Variants in SAMD5 observed in about 807,000 individuals in gnomAD.
SAMD5 encodes the protein sterile alpha motif domain containing 5.
In SAMD5, 13 loss-of-function variants were observed where a neutral mutation model predicts 11.3. The ratio of observed to expected loss-of-function variants is 1.15; its 90% confidence interval spans 0.75 to 1.83. The LOEUF (loss-of-function observed/expected upper bound fraction) is 1.83, where lower values mean the gene tolerates loss of function less well. Ranked by LOEUF, SAMD5 falls within the 40% of genes most tolerant of loss-of-function variation. The pLI, the probability that SAMD5 is intolerant of heterozygous loss-of-function variation, is 0.00. For missense variants in SAMD5, 255 were observed against 239.1 expected, an observed-to-expected ratio of 1.07 and a Z score of -0.44; for synonymous variants, 129 against 111.3, an observed-to-expected ratio of 1.16 and a Z score of -1.00.
chr6:147,710,244 T>C (rs1263899755), intron 1 of SAMD5, among the ~76,000 whole-genome samples: 1 of 152,192 alleles, frequency 6.6e-6, no homozygotes, highest in East Asian at 1.9e-4. Flanking sequence ...GTTACTTCCA[T>C]GTGCTCCTCC....
chr6:147,592,217 A>G (rs964886597), intron 1 of SAMD5, among the ~76,000 whole-genome samples: 3 of 152,042 alleles, frequency 2.0e-5, no homozygotes, highest in Non-Finnish European at 2.9e-5. Flanking sequence ...TCCAACTGCT[A>G]GGCTCCAGCG....
the SAMD5 span, among the ~76,000 whole-genome samples, chr6:147,849,158 A>ATTTTTTT: frequency 7.1e-6 from 1 of 140,714 alleles, no homozygotes; most frequent in Non-Finnish European, 1.5e-5. Flanking sequence ...CTATATGTGA[A>ATTTTTTT]TTTTTTTTTT....
chr6:147,916,678 G>A, the SAMD5 span, among the ~76,000 whole-genome samples: 3 of 151,234 alleles, frequency 2.0e-5, no homozygotes, highest in African/African-American at 7.3e-5. Context: ...TTAGCATTAG[G>A]TATATCTCCT....
intron 1 of SAMD5, among the ~76,000 whole-genome samples, chr6:147,726,282 A>G (rs1791625310): frequency 1.3e-5 from 2 of 152,182 alleles, no homozygotes; most frequent in South Asian, 4.1e-4. Context: ...TATCACTTAC[A>G]TGGAGAATAT....
At chr6:147,900,263 C>G in the SAMD5 span, among the ~76,000 whole-genome samples, 1 of 152,150 alleles carries the variant, frequency 6.6e-6, no homozygotes, top group Non-Finnish European at 1.5e-5. Context: ...CTTCCATACA[C>G]CAAAATGGCT....
At chr6:147,837,812 A>G in the SAMD5 span, among the ~76,000 whole-genome samples, 6 of 152,214 alleles carry the variant, frequency 3.9e-5, no homozygotes, top group African/African-American at 1.4e-4. Context: ...ATTTTAAAGC[A>G]TCTAAACTGT....
At chr6:147,580,971 C>T (rs1328326734) in intron 1 of SAMD5, among the ~76,000 whole-genome samples, 1 of 152,144 alleles carries the variant, frequency 6.6e-6, no homozygotes, top group Non-Finnish European at 1.5e-5. Context: ...TTCTAATCTA[C>T]CTCTTGACAT....
At chr6:147,640,752 C>T (rs76741862) in intron 1 of SAMD5, among the ~76,000 whole-genome samples, 39,050 of 151,984 alleles carry the variant, frequency 0.26, 6,212 homozygotes, top group Middle Eastern at 0.35. Flanking sequence ...TTCCTCAATA[C>T]CAAAGTGGAA....
At chr6:147,815,356 A>G in the SAMD5 span, among the ~76,000 whole-genome samples, 2,407 of 152,330 alleles carry the variant, frequency 0.016, 36 homozygotes, top group Non-Finnish European at 0.025. Context: ...AATACACGTG[A>G]TAGTATAACC....
rs184487247 is a variant in SAMD5, at chr6:147,540,259, A to T, written c.460-24135A>T. On this transcript the variant is annotated intron_variant, in intron 1 of 1. Coordinates refer to ENST00000367474, the MANE Select transcript of SAMD5 (RefSeq NM_001030060.3). ...ATTCCGGAAGCCAAGAATAGAACCCAGGCTGCTACTGTCAAAAAGCAAAGC... is the reference window on the plus strand; with the variant it reads ...ATTCCGGAAGCCAAGAATAGAACCCTGGCTGCTACTGTCAAAAAGCAAAGC... Among the ~76,000 whole-genome samples, 24 of 152,326 alleles carry T rather than the reference A, an allele frequency of 1.6e-4. No homozygotes were observed. The East Asian group carries it at 4.6e-3, about 29-fold the overall frequency.
rs563780307 is a variant in SAMD5, at chr6:147,564,381, T to C, written c.460-13T>C. 1.3e-6 allele frequency: 1 copy of C among 780,672 alleles called. No individual in the cohort carries two copies. The highest frequency in any genetic ancestry group is 1.3e-5 in the South Asian group (1 of 74,550). 48.4% of individuals were successfully genotyped at this position (780,672 alleles called of 1,614,324 possible). A position where few individuals can be genotyped will look rare whatever the true frequency, so the allele number is the denominator to read the frequency against. On this transcript the variant is annotated splice_polypyrimidine_tract_variant and intron_variant, in intron 1 of 1. Transcript: ENST00000367474. ...GGAGAACTTCAATAACCCAGATATG[T>C]TCAAATCCACAGGTCCCAATGGCTG... is the stretch of plus-strand genomic sequence containing the variant.
At chr6:147,570,381 G>C (rs1478399348), downstream of SAMD5, among the ~76,000 whole-genome samples, 2 of 152,136 alleles carry the variant, frequency 1.3e-5, no homozygotes, top group East Asian at 3.9e-4. Flanking sequence ...ATGTGTTTCT[G>C]CTATGGTTCC....
At chr6:147,909,557 CTTT>C in the SAMD5 span, among the ~76,000 whole-genome samples, 253 of 130,280 alleles carry the variant, frequency 1.9e-3, 3 homozygotes, top group East Asian at 2.9e-3. Context: ...GACCATCCAT[CTTT>C]TTTCTTTCTT....
chr6:147,599,214 G>T (rs1411873494), intron 1 of SAMD5, among the ~76,000 whole-genome samples: 1 of 152,184 alleles, frequency 6.6e-6, no homozygotes, highest in East Asian at 1.9e-4. Context: ...TTGAGAAGTG[G>T]ATAAGAAGGA....
rs1204749639 is a variant in SAMD5, at chr6:147,711,043, TGAAA to T, written c.163-26270_163-26267del. On this transcript the variant is annotated intron_variant, in intron 1 of 1. Coordinates refer to the SAMD5 transcript ENST00000566741. This position sits in a 1 kb window ranked among gnomAD's most constrained non-coding sequence, Gnocchi z 4.1. ...GAAATAAGGAAGGAGGGAAGGAAAA[TGAAA>T]GAAGGAAGGAAAAGAAGGAAGGAAG... Among the ~76,000 whole-genome samples, 3 of 125,952 alleles carry T rather than the reference TGAAA, an allele frequency of 2.4e-5. No individual in the cohort carries two copies. The highest frequency in any genetic ancestry group is 8.6e-5 in the Admixed American group (1 of 11,688). The allele number at this position is 125,952 out of a possible 152,430, so 82.6% of individuals were successfully genotyped here.
the SAMD5 span, among the ~76,000 whole-genome samples, chr6:147,944,386 AAGAG>A: frequency 6.6e-6 from 1 of 152,154 alleles, no homozygotes; most frequent in Non-Finnish European, 1.5e-5. Flanking sequence ...CAGGCAAAGA[AAGAG>A]AGCTTGTGCA....
the SAMD5 span, among the ~76,000 whole-genome samples, chr6:147,858,272 A>G: frequency 2.0e-5 from 3 of 152,220 alleles, no homozygotes; most frequent in South Asian, 6.2e-4. Flanking sequence ...AATAGACCAG[A>G]TTAGAATTTG....
intron 1 of SAMD5, among the ~76,000 whole-genome samples, chr6:147,518,349 G>T (rs918482382): frequency 6.6e-6 from 1 of 152,182 alleles, no homozygotes; most frequent in African/African-American, 2.4e-5. Flanking sequence ...AAAGGCAGGG[G>T]TAGCAATATT....
the SAMD5 span, among the ~76,000 whole-genome samples, chr6:147,789,084 AAAAC>A: frequency 1.7e-4 from 22 of 129,246 alleles, no homozygotes; most frequent in East Asian, 1.3e-3. Context: ...ACTGTCTCAA[AAAAC>A]AAACAAACAA....
Sources: gnomAD v4.1 joint callset for allele counts (sites outside exome capture counted in the v4.1 genomes callset) on GRCh38, gnomAD v4.1.1 for gene constraint, Gnocchi (gnomAD v3.1) non-coding constraint, MANE v1.5 for transcripts, NCBI Gene and HGNC (gene_info 2026-07-23, HGNC 2026-07-21) for gene names.